The following TDRD12 variants were observed in gnomAD, a reference collection of about 807,000 sequenced individuals.
TDRD12 encodes putative ATP-dependent RNA helicase TDRD12.
In TDRD12, 158 loss-of-function variants were observed where a neutral mutation model predicts 133.5. That is an observed-to-expected ratio of 1.18 (90% CI 1.04 to 1.35). The LOEUF (loss-of-function observed/expected upper bound fraction) is 1.35, where lower values mean the gene tolerates loss of function less well. Among genes scored for constraint, TDRD12 ranks in the 40% most tolerant of loss-of-function variants. TDRD12 has a pLI of 0.00. For synonymous variants in TDRD12, 460 were observed against 477.9 expected, an observed-to-expected ratio of 0.96 and a Z score of 0.49; for missense variants, 1,443 against 1,321.3, an observed-to-expected ratio of 1.09 and a Z score of -1.43.
chr19:32,791,050 G>C, exon 13 of TDRD12: 1 of 1,536,190 alleles, frequency 6.5e-7, no homozygotes, highest in Non-Finnish European at 8.7e-7. Flanking sequence ...CGTCGCCGCT[G>C]TCAGCAGACC....
chr19:32,821,167 T>G lies in TDRD12; in HGVS notation c.3518T>G (p.Leu1173Ter), dbSNP rs747807874. Residue 1173 changes from leucine to a stop codon, truncating the protein, a stop_gained, in exon 28 of 28, where the codon TTA becomes TGA. Transcript: ENST00000444215. LOFTEE classifies it high-confidence loss of function. ...GGGTACTTGGTATTCAAAAGATGGT[T>G]AAGTTCAAATCGTTAATGTCTGGAA... is the stretch of plus-strand genomic sequence containing the variant. 8.6e-6 allele frequency: 13 copies of G among 1,505,192 alleles called. No individual in the cohort carries two copies. Among genetic ancestry groups the G allele is most frequent in the Non-Finnish European group, 8.9e-7 (1 of 1,121,244 alleles). The allele number at this position is 1,505,192 out of a possible 1,614,324, so 93.2% of individuals were successfully genotyped here.
At position 32,826,275 on chromosome 19, in the gene TDRD12, G is replaced by T; in HGVS notation, c.814G>T (p.Glu272Ter). Residue 272 changes from glutamate (E) to a stop codon, truncating the protein, a stop_gained, in exon 8 of 10, where the codon GAA becomes TAA. Coordinates refer to the TDRD12 transcript ENST00000637289. LOFTEE classifies it high-confidence loss of function. Reference sequence around the variant, plus strand: ...CCCACAAATAAAATGGTTCCAAAAAGAAGATGTCGTCATCTTAAAGATAAG... The same window carrying T: ...CCCACAAATAAAATGGTTCCAAAAATAAGATGTCGTCATCTTAAAGATAAG... 1 of 1,459,048 alleles carries T rather than the reference G, an allele frequency of 6.9e-7. No individual in the cohort carries two copies. The highest frequency in any genetic ancestry group is 9.0e-7 in the Non-Finnish European group (1 of 1,107,330). 90.4% of individuals were successfully genotyped at this position (1,459,048 alleles called of 1,614,324 possible).
chr19:32,801,903 G>A (rs1971400724), intron 19 of TDRD12, 30 bp downstream of exon 19: 10 of 851,650 alleles, frequency 1.2e-5, no homozygotes, highest in Non-Finnish European at 1.7e-5. Flanking sequence ...CTTCTATTTA[G>A]TGAAGGTTGA....
chr19:32,761,665 G>T (rs886633226), intron 8 of TDRD12, among the ~76,000 whole-genome samples: 1 of 152,062 alleles, frequency 6.6e-6, no homozygotes, highest in African/African-American at 2.4e-5. Flanking sequence ...TCTCAGATGA[G>T]ATATCTCTTC....
rs1970499306 is a variant in TDRD12, at chr19:32,773,638, C to G, written c.1040+106C>G. 5.6e-6 allele frequency: 5 copies of G among 885,314 alleles called. No homozygotes were observed. The East Asian group carries it at 1.4e-4, about 24-fold the overall frequency. The allele number at this position is 885,314 out of a possible 1,614,324, so 54.8% of individuals were successfully genotyped here. A position where few individuals can be genotyped will look rare whatever the true frequency, so the allele number is the denominator to read the frequency against. On this transcript the variant is annotated intron_variant, in intron 10 of 27. Transcript: ENST00000444215. ...GCTTAAGCCCAGGAGGTCGAGGCTT[C>G]AGTGAGCTATGATCGTACCACTGTA... is the stretch of plus-strand genomic sequence containing the variant.
intron 12 of TDRD12, 163 bp downstream of exon 12, chr19:32,790,754 G>T: frequency 6.6e-7 from 1 of 1,516,444 alleles, no homozygotes; most frequent in Non-Finnish European, 8.8e-7. Context: ...ATGGATTGTT[G>T]CTTCTGAGAA....
chr19:32,731,132 G>A (rs940824983), intron 1 of TDRD12, among the ~76,000 whole-genome samples: 7 of 152,028 alleles, frequency 4.6e-5, no homozygotes, highest in Admixed American at 3.3e-4. Context: ...ACTTTCTTCC[G>A]TGTCCCTTCT....
Position 32,742,820 on chromosome 19 carries a change from T to C in TDRD12, c.360T>C (p.Tyr120=), listed in dbSNP as rs116197390. 550 of 1,551,942 alleles carry C rather than the reference T, an allele frequency of 3.5e-4. 4 individuals are homozygous for C. In the African/African-American group the frequency reaches 6.9e-3, roughly 19 times the overall value. The stretch of plus-strand genomic sequence containing the variant: ...TAGAATCGTTTATGCAGCTTCCCTA[T>C]AGAGCAAAAAAATTCAGCCTGTACT... The change falls in exon 4 of 28, where the codon TAT becomes TAC. Residue 120 remains tyrosine, a synonymous_variant. Transcript: ENST00000444215.
At chr19:32,756,396 T>G (rs1013366832) in intron 7 of TDRD12, among the ~76,000 whole-genome samples, 5 of 100,866 alleles carry the variant, frequency 5.0e-5, no homozygotes, top group African/African-American at 2.0e-4. Flanking sequence ...TCGATTTCTG[T>G]TTTTTTTTTG....
intron 11 of TDRD12, among the ~76,000 whole-genome samples, chr19:32,789,882 G>A (rs2145658842): frequency 6.6e-6 from 1 of 152,114 alleles, no homozygotes; most frequent in South Asian, 2.1e-4. Context: ...GATGCCTGTA[G>A]TCCCAGCTAC....
chr19:32,743,394 C>T (rs746875413), intron 4 of TDRD12, among the ~76,000 whole-genome samples: 6 of 151,216 alleles, frequency 4.0e-5, no homozygotes, highest in Non-Finnish European at 8.9e-5. Context: ...ACCGCCCCTC[C>T]GCTCTCCTCC....
At chr19:32,727,800 C>G (rs1342503095) in intron 1 of TDRD12, among the ~76,000 whole-genome samples, 1 of 152,176 alleles carries the variant, frequency 6.6e-6, no homozygotes, top group Non-Finnish European at 1.5e-5. Flanking sequence ...TCCTGAGTAG[C>G]TGGGATTACG....
chr19:32,817,574 C>CAAAT (rs1967223921), intron 26 of TDRD12, among the ~76,000 whole-genome samples: 1 of 151,952 alleles, frequency 6.6e-6, no homozygotes. Flanking sequence ...TACAGGTGTA[C>CAAAT]AAATACCTGT....
At chr19:32,793,581 C>T (rs1971132461) in intron 13 of TDRD12, among the ~76,000 whole-genome samples, 1 of 152,036 alleles carries the variant, frequency 6.6e-6, no homozygotes, top group East Asian at 1.9e-4. Context: ...GTGGAGAACT[C>T]TATTGGAACA....
exon 10 of TDRD12, chr19:32,773,493 G>T (rs1168826651): frequency 4.5e-6 from 7 of 1,551,788 alleles, no homozygotes; most frequent in Non-Finnish European, 6.1e-6. Flanking sequence ...GCAAAAAGAG[G>T]CATAACCATA....
chr19:32,821,393 T>TGCGTGTGTGTGTGTGTGTGC, downstream of TDRD12: 1 of 413,564 alleles, frequency 2.4e-6, no homozygotes, highest in Non-Finnish European at 4.1e-6. Flanking sequence ...TGTGTGTGTG[T>TGCGTGTGTGTGTGTGTGTGC]GTGTGTGTGT....
At chr19:32,827,742 T>TA (rs895861199) in exon 10 of TDRD12, 3 of 152,198 alleles carry the variant, frequency 2.0e-5, no homozygotes, top group African/African-American at 7.2e-5. Flanking sequence ...CTGGACTTGA[T>TA]AACGGTGAGA....
At chr19:32,780,719 C>T (rs1031808060) in intron 11 of TDRD12, among the ~76,000 whole-genome samples, 16 of 151,898 alleles carry the variant, frequency 1.1e-4, no homozygotes, top group Non-Finnish European at 1.6e-4. Flanking sequence ...TCACACAGCA[C>T]GGCTGCTTCT....
chr19:32,790,774 T>C (rs2145662186), intron 12 of TDRD12, 183 bp downstream of exon 12: 3 of 1,506,022 alleles, frequency 2.0e-6, no homozygotes, highest in African/African-American at 1.4e-5. Flanking sequence ...AATTGTTCCT[T>C]GTTTTTTGGA....
Sources: allele counts gnomAD v4.1 joint callset (sites outside exome capture counted in the v4.1 genomes callset), GRCh38; gene constraint gnomAD v4.1.1; transcripts MANE v1.5; gene names NCBI Gene and HGNC (gene_info 2026-07-23, HGNC 2026-07-21).